Variants in PRPH2 observed in about 807,000 individuals in gnomAD.
PRPH2 encodes peripherin-2.
In PRPH2, 17 loss-of-function variants were observed where a neutral mutation model predicts 31.3. The ratio of observed to expected loss-of-function variants is 0.54; its 90% CI spans 0.37 to 0.81. PRPH2 has a LOEUF of 0.81. Among genes scored for constraint, PRPH2 ranks in the 40% least tolerant of loss-of-function variants. The pLI, the probability that PRPH2 is intolerant of heterozygous loss-of-function variation, is 0.00. For synonymous variants in PRPH2, 165 were observed against 184.4 expected, an observed-to-expected ratio of 0.89 and a Z score of 0.85; for missense variants, 430 against 439.7, an observed-to-expected ratio of 0.98 and a Z score of 0.20.
chr6:42,717,211 A>G lies in PRPH2; in HGVS notation c.581+4543T>C, dbSNP rs1235500710. Among the ~76,000 whole-genome samples the G allele has an allele frequency of 6.0e-5, 9 of 151,134 alleles. No individual in the cohort carries two copies. The South Asian group carries it at 1.9e-3, about 32-fold the overall frequency. ...GTGGATCACTTGAGGTTAGGAGTTCAAGACCAGCCTGGCCAACATGGTGAA... is the reference window on the plus strand; with the variant it reads ...GTGGATCACTTGAGGTTAGGAGTTCGAGACCAGCCTGGCCAACATGGTGAA... On this transcript the variant is annotated intron_variant, in intron 1 of 2. Coordinates refer to ENST00000230381, the MANE Select transcript of PRPH2 (RefSeq NM_000322.5).
chr6:42,714,448 TA>T (rs1392491017), intron 1 of PRPH2, among the ~76,000 whole-genome samples: 3 of 152,234 alleles, frequency 2.0e-5, no homozygotes, highest in African/African-American at 7.2e-5. Context: ...GTGAATATAC[TA>T]AAAACCATTG....
At chr6:42,717,652 G>A (rs1339538085) in intron 1 of PRPH2, among the ~76,000 whole-genome samples, 1 of 152,170 alleles carries the variant, frequency 6.6e-6, no homozygotes, top group Non-Finnish European at 1.5e-5. Flanking sequence ...ATGAAGCCAT[G>A]AAAACATGAA....
intron 2 of PRPH2, 71 bp downstream of exon 2, chr6:42,704,294 C>A: frequency 1.3e-6 from 2 of 1,556,836 alleles, no homozygotes; most frequent in Non-Finnish European, 1.7e-6. Flanking sequence ...AAGCCTGGCT[C>A]CGCCCCCATT....
At chr6:42,705,709 C>A (rs1800151054) in intron 1 of PRPH2, among the ~76,000 whole-genome samples, 1 of 147,562 alleles carries the variant, frequency 6.8e-6, no homozygotes, top group Non-Finnish European at 1.5e-5. Context: ...GTAATCCCAG[C>A]ACTTTGGGAG....
At chr6:42,705,582 AAAAAAAAAAAAAAAAAAAT>A in intron 1 of PRPH2, among the ~76,000 whole-genome samples, 1 of 20,164 alleles carries the variant, frequency 5.0e-5, no homozygotes, top group African/African-American at 9.3e-5. Flanking sequence ...TCTAAAAAAA[AAAAAAAAAAAAAAAAAAAT>A]ATATATATAT....
At chr6:42,712,054 C>G (rs1761668020) in intron 1 of PRPH2, 1 of 768,248 alleles carries the variant, frequency 1.3e-6, no homozygotes, top group Non-Finnish European at 1.6e-6. Context: ...GAGCCTGATC[C>G]AACCATACCT....
rs980582610 is a variant in PRPH2 at position 42,714,058 on chromosome 6, G to A, written c.581+7696C>T. On this transcript the variant is annotated intron_variant, in intron 1 of 2. Transcript: ENST00000230381. The stretch of plus-strand genomic sequence containing the variant: ...AGTGAGCAAACATTCATTTAATGCC[G>A]AATGTATGCAAGAGGTACTTTAACA... Among the ~76,000 whole-genome samples, 71 of 151,736 alleles carry A rather than the reference G, an allele frequency of 4.7e-4. 1 individual carries two copies. The highest frequency in any genetic ancestry group is 3.7e-3 in the Admixed American group (56 of 15,232).
In PRPH2 at chr6:42,697,661, A is replaced by G. The variant is rs993688861; in HGVS notation, c.*634T>C. 1 of 152,470 alleles carries G rather than the reference A, an allele frequency of 6.6e-6. No homozygotes were observed. Among genetic ancestry groups the G allele is most frequent in the Non-Finnish European group, 1.5e-5 (1 of 68,294 alleles). The allele number at this position is 152,470 out of a possible 1,614,324, so 9.4% of individuals were successfully genotyped here. On this transcript the variant is annotated 3_prime_UTR_variant, in exon 3 of 3. Transcript: ENST00000230381. ...TTCACTGTGTTTTTGGTGGGGGATA[A>G]AATCCCCTGCCTTGAAATTCTCTTG...
rs1365796838 is a variant in PRPH2 at position 42,721,988 on chromosome 6, G to A, written c.347C>T (p.Ala116Val). The A allele has an allele frequency of 6.2e-7, 1 of 1,614,036 alleles. No homozygotes were observed. The highest frequency in any genetic ancestry group is 2.2e-5 in the East Asian group (1 of 44,890). Residue 116 changes from alanine to valine, a missense_variant, in exon 1 of 3, where the codon GCT becomes GTT. Ala to Val is a moderately conservative substitution (Grantham distance 64). Coordinates refer to ENST00000230381, the MANE Select transcript of PRPH2 (RefSeq NM_000322.5). ...VLFNIILFLV[A>V]LCCFLLRGSL... ...GCCCCGAAGCAGAAAGCAGCAGAGAGCCACAAGGAAGAGGATGATGTTGAA... is the reference window on the plus strand; with the variant it reads ...GCCCCGAAGCAGAAAGCAGCAGAGAACCACAAGGAAGAGGATGATGTTGAA...
At position 42,717,206 on chromosome 6, in the gene PRPH2, A is replaced by G. The variant is rs571893825; in HGVS notation, c.581+4548T>C. 2.0e-5 allele frequency among the ~76,000 whole-genome samples: 3 copies of G among 150,952 alleles called. No individual in the cohort carries two copies. In the South Asian group the frequency reaches 6.3e-4, roughly 32 times the overall value. ...GGAAGGTGGATCACTTGAGGTTAGG[A>G]GTTCAAGACCAGCCTGGCCAACATG... On this transcript the variant is annotated intron_variant, in intron 1 of 2. Coordinates refer to ENST00000230381, the MANE Select transcript of PRPH2 (RefSeq NM_000322.5).
intron 1 of PRPH2, chr6:42,711,739 A>C: frequency 1.0e-6 from 1 of 984,116 alleles, no homozygotes; most frequent in East Asian, 1.1e-4. Context: ...CGAATTGTTT[A>C]AGAAGAGCAA....
chr6:42,705,599 A>AATATATATAT (rs1194169404), intron 1 of PRPH2, among the ~76,000 whole-genome samples: 240 of 20,748 alleles, frequency 0.012, no homozygotes, highest in Admixed American at 0.012. Flanking sequence ...AAAAAAAAAA[A>AATATATATAT]ATATATATAT....
intron 1 of PRPH2, among the ~76,000 whole-genome samples, chr6:42,714,478 G>A (rs1290524861): frequency 1.3e-5 from 2 of 152,084 alleles, no homozygotes; most frequent in Non-Finnish European, 2.9e-5. Flanking sequence ...ACTTTTAATG[G>A]GTACATTGTA....
chr6:42,699,525 CG>C (rs1261008107), intron 2 of PRPH2, among the ~76,000 whole-genome samples: 1 of 152,114 alleles, frequency 6.6e-6, no homozygotes, highest in Non-Finnish European at 1.5e-5. Context: ...TTTATTCATC[CG>C]GTTTGCAGAT....
intron 2 of PRPH2, among the ~76,000 whole-genome samples, chr6:42,700,845 G>T (rs138155792): frequency 3.9e-5 from 6 of 152,230 alleles, no homozygotes; most frequent in Admixed American, 1.3e-4. Context: ...TCCATTAAAG[G>T]CCCCAAGTAA....
chr6:42,718,130 C>T lies in PRPH2; in HGVS notation c.581+3624G>A, dbSNP rs542274057. Among the ~76,000 whole-genome samples, 4 of 152,060 alleles carry T rather than the reference C, an allele frequency of 2.6e-5. No homozygotes were observed. The East Asian group carries it at 5.8e-4, about 22-fold the overall frequency. Reference sequence around the variant, plus strand: ...TGAGACCAGCCTGAGGGCAACATGGCGAAACCCTGTCTCTACCAAAAATAC... The same window carrying T: ...TGAGACCAGCCTGAGGGCAACATGGTGAAACCCTGTCTCTACCAAAAATAC... On this transcript the variant is annotated intron_variant, in intron 1 of 2. Coordinates refer to ENST00000230381, the MANE Select transcript of PRPH2 (RefSeq NM_000322.5).
chr6:42,702,206 C>T (rs1049117718), intron 2 of PRPH2, among the ~76,000 whole-genome samples: 2 of 151,576 alleles, frequency 1.3e-5, no homozygotes, highest in Admixed American at 6.6e-5. Context: ...CGCGCCACTG[C>T]ACTCCAGCCT....
Position 42,698,240 on chromosome 6 carries a change from G to C in PRPH2, c.*55C>G. On this transcript the variant is annotated 3_prime_UTR_variant, in exon 3 of 3. Transcript: ENST00000230381. The stretch of plus-strand genomic sequence containing the variant: ...GGAGTTGGATGAGGGGGAGATCCAC[G>C]TTTCTTGGAGTGCACTATTTCTCAG... 1 of 1,606,688 alleles carries C rather than the reference G, an allele frequency of 6.2e-7. No homozygotes were observed. The highest frequency in any genetic ancestry group is 8.5e-7 in the Non-Finnish European group (1 of 1,177,012).
intron 1 of PRPH2, chr6:42,711,758 C>A: frequency 1.0e-6 from 1 of 985,396 alleles, no homozygotes; most frequent in Non-Finnish European, 1.2e-6. Flanking sequence ...AAGCAGGTAC[C>A]TGTAGTCTGT....
Sources: gnomAD v4.1 joint callset for allele counts (sites outside exome capture counted in the v4.1 genomes callset) on GRCh38, gnomAD v4.1.1 for gene constraint, MANE v1.5 for transcripts, NCBI Gene and HGNC (gene_info 2026-07-23, HGNC 2026-07-21) for gene names.